NXPH1: variants seen among roughly 807,000 people sequenced by gnomAD.
NXPH1 encodes neurexophilin-1.
NXPH1 carries 5 observed loss-of-function variants against 23.7 expected under a neutral mutation model. The observed-to-expected ratio is 0.21, with a 90% CI of 0.11 to 0.44. The LOEUF (loss-of-function observed/expected upper bound fraction) is 0.44, where lower values mean the gene tolerates loss of function less well. Among genes scored for constraint, NXPH1 ranks in the 20% least tolerant of loss-of-function variants. The probability of loss-of-function intolerance (pLI) is 0.99; values close to 1 mark genes in which losing one functional copy is unlikely to be tolerated. For missense variants in NXPH1, 324 were observed against 321.6 expected, an observed-to-expected ratio of 1.01 and a Z score of -0.06; for synonymous variants, 144 against 122.2, an observed-to-expected ratio of 1.18 and a Z score of -1.18.
At chr7:8,463,083 T>A (rs150814317) in intron 2 of NXPH1, among the ~76,000 whole-genome samples, 20 of 152,344 alleles carry the variant, frequency 1.3e-4, no homozygotes, top group African/African-American at 4.8e-4. Flanking sequence ...TGGAATTTAC[T>A]GACAAATATA....
intron 2 of NXPH1, among the ~76,000 whole-genome samples, chr7:8,626,199 A>G (rs1274638781): frequency 6.6e-6 from 1 of 152,088 alleles, no homozygotes; most frequent in Admixed American, 6.6e-5. Flanking sequence ...CTGAAAAAAA[A>G]AAGAACATTT....
At chr7:8,562,276 A>T (rs1393445738) in intron 2 of NXPH1, among the ~76,000 whole-genome samples, 1 of 151,758 alleles carries the variant, frequency 6.6e-6, no homozygotes, top group Non-Finnish European at 1.5e-5. Flanking sequence ...GAAAGGCCAG[A>T]TGGAAAATAT....
intron 2 of NXPH1, among the ~76,000 whole-genome samples, chr7:8,679,986 A>C (rs112498133): frequency 3.3e-5 from 5 of 152,350 alleles, no homozygotes; most frequent in African/African-American, 1.2e-4. Context: ...GTGCCATTGC[A>C]CTCCAGACTG....
intron 2 of NXPH1, among the ~76,000 whole-genome samples, chr7:8,621,994 T>C (rs1202786351): frequency 6.6e-6 from 1 of 152,154 alleles, no homozygotes; most frequent in Non-Finnish European, 1.5e-5. Flanking sequence ...GCACATGTCA[T>C]GTAAGTTTAT....
At chr7:8,734,697 G>T (rs908726052) in intron 2 of NXPH1, among the ~76,000 whole-genome samples, 1 of 152,108 alleles carries the variant, frequency 6.6e-6, no homozygotes, top group African/African-American at 2.4e-5. Flanking sequence ...TTCTGTAAAT[G>T]CCTCTTAGGT....
intron 2 of NXPH1, among the ~76,000 whole-genome samples, chr7:8,534,525 G>A (rs571693059): frequency 6.6e-6 from 1 of 152,072 alleles, no homozygotes; most frequent in African/African-American, 2.4e-5. Context: ...GGAGGCTCTG[G>A]AATGAAGGTA....
At chr7:8,730,591 C>A (rs1214376764) in intron 2 of NXPH1, among the ~76,000 whole-genome samples, 1 of 152,096 alleles carries the variant, frequency 6.6e-6, no homozygotes, top group Non-Finnish European at 1.5e-5. Flanking sequence ...ATTTCTCCTT[C>A]ACTTATGAAG....
intron 2 of NXPH1, among the ~76,000 whole-genome samples, chr7:8,724,323 C>A (rs924337943): frequency 6.6e-5 from 10 of 152,168 alleles, no homozygotes; most frequent in African/African-American, 1.9e-4. Context: ...GAATGTTACC[C>A]GGCTCTTTGA....
At chr7:8,679,306 G>T (rs114130774) in intron 2 of NXPH1, among the ~76,000 whole-genome samples, 2,719 of 152,194 alleles carry the variant, frequency 0.018, 44 homozygotes, top group Middle Eastern at 0.041. Context: ...TAAAGAACAC[G>T]TTCAAGTGTA....
intron 2 of NXPH1, among the ~76,000 whole-genome samples, chr7:8,536,273 T>C (rs1159477403): frequency 2.0e-5 from 3 of 152,048 alleles, no homozygotes; most frequent in Non-Finnish European, 4.4e-5. Flanking sequence ...AATAGAATGT[T>C]TGAAGCTCAA....
intron 2 of NXPH1, among the ~76,000 whole-genome samples, chr7:8,451,856 T>C (rs1448068415): frequency 6.6e-6 from 1 of 152,224 alleles, no homozygotes; most frequent in Non-Finnish European, 1.5e-5. Context: ...AAGAAGAGTA[T>C]TTCCATTTCT....
At chr7:8,498,531 G>A (rs1817377226) in intron 2 of NXPH1, among the ~76,000 whole-genome samples, 1 of 152,048 alleles carries the variant, frequency 6.6e-6, no homozygotes, top group Non-Finnish European at 1.5e-5. Flanking sequence ...AGGAATTTCA[G>A]GATGAGATTG....
chr7:8,499,745 G>A (rs1007411921), intron 2 of NXPH1, among the ~76,000 whole-genome samples: 5 of 151,990 alleles, frequency 3.3e-5, no homozygotes, highest in African/African-American at 4.8e-5. Flanking sequence ...TCTATTCCCC[G>A]CTATTTTTGA....
intron 2 of NXPH1, among the ~76,000 whole-genome samples, chr7:8,618,181 G>C (rs1021401209): frequency 6.6e-6 from 1 of 152,124 alleles, no homozygotes; most frequent in African/African-American, 2.4e-5. Flanking sequence ...CAAAAGGGTA[G>C]AATGGATACT....
chr7:8,735,540 A>T (rs1170336398), intron 2 of NXPH1, among the ~76,000 whole-genome samples: 2 of 152,206 alleles, frequency 1.3e-5, no homozygotes, highest in Non-Finnish European at 1.5e-5. Context: ...TTGGTTTGCC[A>T]GTATTTTATT....
chr7:8,625,396 A>G (rs1191256538), intron 2 of NXPH1, among the ~76,000 whole-genome samples: 1 of 152,112 alleles, frequency 6.6e-6, no homozygotes, highest in African/African-American at 2.4e-5. Flanking sequence ...TCCATTATAA[A>G]CTTTTCTACA....
chr7:8,616,699 A>G (rs1201495348), intron 2 of NXPH1, among the ~76,000 whole-genome samples: 1 of 152,012 alleles, frequency 6.6e-6, no homozygotes, highest in Non-Finnish European at 1.5e-5. Flanking sequence ...GCTTTTGAAC[A>G]CAGTGAACTA....
intron 2 of NXPH1, among the ~76,000 whole-genome samples, chr7:8,672,154 A>G (rs1038110266): frequency 5.3e-5 from 8 of 152,214 alleles, no homozygotes; most frequent in Non-Finnish European, 1.0e-4. Flanking sequence ...GCCATAAAAA[A>G]TGATGAGTTC....
chr7:8,585,388 A>G (rs574447198), intron 2 of NXPH1, among the ~76,000 whole-genome samples: 5 of 151,740 alleles, frequency 3.3e-5, no homozygotes, highest in African/African-American at 1.2e-4. Flanking sequence ...TTTATTATGG[A>G]TCTTGAACTC....
Sources: gnomAD v4.1 joint callset for allele counts (sites outside exome capture counted in the v4.1 genomes callset) on GRCh38, gnomAD v4.1.1 for gene constraint, MANE v1.5 for transcripts, NCBI Gene and HGNC (gene_info 2026-07-23, HGNC 2026-07-21) for gene names.